The following RALYL variants were observed in gnomAD, a reference collection of about 807,000 sequenced individuals.
RALYL encodes the protein RALY RNA binding protein like.
In RALYL, 29 loss-of-function variants were observed where a neutral mutation model predicts 35.1. The ratio of observed to expected loss-of-function variants is 0.83; its 90% confidence interval spans 0.61 to 1.13. RALYL has a LOEUF of 1.13. Among genes scored for constraint, RALYL ranks in the 50% most tolerant of loss-of-function variants. The pLI, the probability that RALYL is intolerant of heterozygous loss-of-function variation, is 0.00. For synonymous variants in RALYL, 120 were observed against 127.6 expected (o/e 0.94, Z 0.40); for missense variants, 359 against 360.4 (o/e 1.00, Z 0.03).
chr8:84,621,566 T>G (rs1041173003), intron 2 of RALYL, among the ~76,000 whole-genome samples: 1 of 151,008 alleles, frequency 6.6e-6, no homozygotes, highest in Non-Finnish European at 1.5e-5. Flanking sequence ...TCGGCGTCGC[T>G]CACGCTGGGA....
At chr8:84,525,953 CTTTTTTT>C (rs35794329) in intron 1 of RALYL, among the ~76,000 whole-genome samples, 58 of 104,842 alleles carry the variant, frequency 5.5e-4, no homozygotes, top group Middle Eastern at 0.015. Flanking sequence ...TTTCTTTTTT[CTTTTTTT>C]TTTTTTTTTT....
intron 1 of RALYL, among the ~76,000 whole-genome samples, chr8:84,234,765 ATTTATTT>A (rs1441726177): frequency 7.3e-6 from 1 of 136,886 alleles, no homozygotes; most frequent in Non-Finnish European, 1.5e-5. Flanking sequence ...TTATTTATTT[ATTTATTT>A]TTTTTTTTTT....
At chr8:84,760,715 G>A (rs1812477808) in intron 2 of RALYL, among the ~76,000 whole-genome samples, 1 of 152,016 alleles carries the variant, frequency 6.6e-6, no homozygotes, top group Non-Finnish European at 1.5e-5. Flanking sequence ...TAAATCTCAT[G>A]AATGAAAAGA....
At chr8:84,197,853 T>G (rs1563515711) in intron 1 of RALYL, among the ~76,000 whole-genome samples, 1 of 152,178 alleles carries the variant, frequency 6.6e-6, no homozygotes, top group Admixed American at 6.5e-5. Flanking sequence ...TTTCACTCTT[T>G]TTTGTTTGTT....
chr8:84,587,106 G>T (rs1249008371), intron 2 of RALYL, among the ~76,000 whole-genome samples: 2 of 152,144 alleles, frequency 1.3e-5, no homozygotes, highest in African/African-American at 4.8e-5. Flanking sequence ...AGAACACAGG[G>T]TTATCAAACG....
chr8:84,883,935 G>A (rs960436552), intron 7 of RALYL, among the ~76,000 whole-genome samples: 1 of 151,998 alleles, frequency 6.6e-6, no homozygotes, highest in Non-Finnish European at 1.5e-5. Flanking sequence ...TTCTTCGTTA[G>A]AGCACACAGC....
At chr8:84,731,425 G>A (rs1846156974) in intron 2 of RALYL, among the ~76,000 whole-genome samples, 1 of 152,102 alleles carries the variant, frequency 6.6e-6, no homozygotes, top group African/African-American at 2.4e-5. Flanking sequence ...GTACAGAGAG[G>A]CAGCATACAT....
intron 7 of RALYL, among the ~76,000 whole-genome samples, chr8:84,883,151 C>T (rs1189063687): frequency 2.6e-5 from 4 of 151,754 alleles, no homozygotes; most frequent in East Asian, 3.9e-4. Context: ...TTTTTTTTCC[C>T]TCAACTCAGA....
intron 7 of RALYL, among the ~76,000 whole-genome samples, chr8:84,876,709 G>A (rs1056077020): frequency 1.3e-5 from 2 of 150,504 alleles, no homozygotes; most frequent in African/African-American, 4.9e-5. Context: ...TATTCTCACT[G>A]TTATTCCTGA....
chr8:84,602,241 T>G (rs1294850487), intron 2 of RALYL, among the ~76,000 whole-genome samples: 1 of 152,170 alleles, frequency 6.6e-6, no homozygotes, highest in Non-Finnish European at 1.5e-5. Context: ...CTGTTTTTCA[T>G]CTTTCCCTAC....
Position 84,505,895 on chromosome 8 carries a change from CTT to C in RALYL, c.-23-23401_-23-23400del, listed in dbSNP as rs549570033. 9.9e-5 allele frequency among the ~76,000 whole-genome samples: 15 copies of C among 152,082 alleles called. No individual in the cohort carries two copies. In the South Asian group the frequency reaches 2.7e-3, roughly 27 times the overall value. The stretch of plus-strand genomic sequence containing the variant: ...TGGCATATTACCTGGTATAGGGTGA[CTT>C]TTGATTTATTTTGTCATTTTTACTC... On this transcript the variant is annotated intron_variant, in intron 1 of 8. Transcript: ENST00000521268.
chr8:84,371,117 C>T (rs1855591961), intron 1 of RALYL, among the ~76,000 whole-genome samples: 1 of 151,906 alleles, frequency 6.6e-6, no homozygotes, highest in African/African-American at 2.4e-5. Flanking sequence ...CTCACGGAAG[C>T]CCCAATGACA....
intron 1 of RALYL, among the ~76,000 whole-genome samples, chr8:84,466,446 T>C (rs1416902636): frequency 6.6e-6 from 1 of 150,386 alleles, no homozygotes; most frequent in Admixed American, 6.6e-5. Context: ...GGATTACATT[T>C]CTTGATTTGC....
At chr8:84,895,482 A>C (rs1421006384) in intron 8 of RALYL, among the ~76,000 whole-genome samples, 1 of 151,764 alleles carries the variant, frequency 6.6e-6, no homozygotes, top group Non-Finnish European at 1.5e-5. Context: ...GGGCATTTTT[A>C]TCCTTGTGTA....
intron 2 of RALYL, among the ~76,000 whole-genome samples, chr8:84,715,142 T>C (rs1842776587): frequency 6.6e-6 from 1 of 151,898 alleles, no homozygotes; most frequent in South Asian, 2.1e-4. Flanking sequence ...AACTTTGTTT[T>C]CATCCAAAGG....
chr8:84,600,560 A>T (rs1018666875), intron 2 of RALYL, among the ~76,000 whole-genome samples: 1 of 152,084 alleles, frequency 6.6e-6, no homozygotes, highest in Admixed American at 6.6e-5. Context: ...ATGTTTTCCT[A>T]GGAGGATCCC....
intron 2 of RALYL, among the ~76,000 whole-genome samples, chr8:84,573,079 C>T (rs1808421390): frequency 6.6e-6 from 1 of 150,964 alleles, no homozygotes; most frequent in South Asian, 2.1e-4. Flanking sequence ...ATTGTTTTTT[C>T]CTATTTTCAC....
intron 2 of RALYL, among the ~76,000 whole-genome samples, chr8:84,705,484 T>C (rs934740918): frequency 2.0e-5 from 3 of 152,110 alleles, no homozygotes; most frequent in Admixed American, 6.5e-5. Context: ...ACTGGGGAAA[T>C]AGACAAAACT....
At chr8:84,662,118 C>T (rs777493177) in intron 2 of RALYL, among the ~76,000 whole-genome samples, 1 of 152,118 alleles carries the variant, frequency 6.6e-6, no homozygotes, top group African/African-American at 2.4e-5. Context: ...CCTTAATATT[C>T]ATTCAATTTC....
Sources: allele counts gnomAD v4.1 joint callset (sites outside exome capture counted in the v4.1 genomes callset), GRCh38; gene constraint gnomAD v4.1.1; transcripts MANE v1.5; gene names NCBI Gene and HGNC (gene_info 2026-07-23, HGNC 2026-07-21).